The following LIN7A variants were observed in gnomAD, a reference collection of about 807,000 sequenced individuals.
LIN7A encodes the protein lin-7 cell polarity scaffold A.
LIN7A carries 25 observed loss-of-function variants against 29.8 expected under a neutral mutation model. The ratio of observed to expected loss-of-function variants is 0.84; its 90% CI spans 0.61 to 1.17. LIN7A has a LOEUF of 1.17. LIN7A is among the 50% of genes most tolerant of loss of function. LIN7A has a pLI of 0.00. For missense variants in LIN7A, 239 were observed against 287.0 expected (o/e 0.83, Z 1.21); for synonymous variants, 118 against 107.5 (o/e 1.10, Z -0.60).
At chr12:80,926,434 T>C (rs1245941694) in intron 1 of LIN7A, among the ~76,000 whole-genome samples, 2 of 152,242 alleles carry the variant, frequency 1.3e-5, no homozygotes, top group Non-Finnish European at 2.9e-5. Context: ...TTTTGGACTC[T>C]ATTTAGAAAT....
chr12:80,865,675 T>C (rs1874100326), intron 2 of LIN7A, among the ~76,000 whole-genome samples: 1 of 152,176 alleles, frequency 6.6e-6, no homozygotes, highest in Admixed American at 6.5e-5. Context: ...GTGTTTTATG[T>C]GAGAAAGGAC....
chr12:80,902,497 G>A (rs1876276705), intron 1 of LIN7A, among the ~76,000 whole-genome samples: 1 of 151,866 alleles, frequency 6.6e-6, no homozygotes, highest in Admixed American at 6.6e-5. Context: ...CTACAAGTAC[G>A]GGATGTTTTT....
intron 2 of LIN7A, among the ~76,000 whole-genome samples, chr12:80,853,817 C>T (rs1403128220): frequency 6.6e-6 from 1 of 152,122 alleles, no homozygotes; most frequent in Non-Finnish European, 1.5e-5. Flanking sequence ...CTGTCTCAGC[C>T]TCCTGAGTAG....
chr12:80,933,521 T>C (rs1407153353), intron 1 of LIN7A, among the ~76,000 whole-genome samples: 2 of 152,210 alleles, frequency 1.3e-5, no homozygotes, highest in East Asian at 3.8e-4. Context: ...TCTGTTATTC[T>C]CTATTCCAAC....
At chr12:80,933,758 T>C (rs1170694989) in intron 1 of LIN7A, among the ~76,000 whole-genome samples, 1 of 152,124 alleles carries the variant, frequency 6.6e-6, no homozygotes, top group African/African-American at 2.4e-5. Context: ...CCTCACTTTC[T>C]ACAGGACTCT....
At chr12:80,930,631 T>C (rs1022385597) in intron 1 of LIN7A, among the ~76,000 whole-genome samples, 1 of 152,196 alleles carries the variant, frequency 6.6e-6, no homozygotes, top group Non-Finnish European at 1.5e-5. Context: ...CTCGTGCGAT[T>C]CAATTCATAA....
chr12:80,891,394 A>G lies in LIN7A; in HGVS notation c.83-2025T>C, dbSNP rs146675589. ...CTTAACGGCCGACTTCTTCTCGCTCATCTCAGAACACCTCCTCCTGTCCAT... is the reference window on the plus strand; with the variant it reads ...CTTAACGGCCGACTTCTTCTCGCTCGTCTCAGAACACCTCCTCCTGTCCAT... On this transcript the variant is annotated intron_variant, in intron 1 of 5. Transcript: ENST00000552864. 2.3e-3 allele frequency among the ~76,000 whole-genome samples: 355 copies of G among 152,304 alleles called. 13 individuals are homozygous for G. In the East Asian group the frequency reaches 0.058, roughly 25 times the overall value.
Position 80,937,658 on chromosome 12 carries a change from G to T in LIN7A, c.65C>A (p.Pro22Gln). ...ADMATLTVVQ[P>Q]LTLDRDVARA... ...TCCCTTACCTCTGTCCAGGGTGAGC[G>T]GCTGGACCACTGTCAATGTCGCCAT... The change falls in exon 1 of 6, where the codon CCG becomes CAG. Residue 22 changes from proline to glutamine, a missense_variant. Pro to Gln is a moderately conservative substitution (Grantham distance 76). Coordinates refer to ENST00000552864, the MANE Select transcript of LIN7A (RefSeq NM_004664.4). 6.4e-7 allele frequency: 1 copy of T among 1,569,394 alleles called. No homozygotes were observed. The highest frequency in any genetic ancestry group is 8.7e-7 in the Non-Finnish European group (1 of 1,154,550).
chr12:80,861,754 C>T (rs1157988489), intron 2 of LIN7A, among the ~76,000 whole-genome samples: 1 of 152,196 alleles, frequency 6.6e-6, no homozygotes, highest in Non-Finnish European at 1.5e-5. Context: ...CAACTAGCTG[C>T]CCTTGGCAGC....
intron 4 of LIN7A, among the ~76,000 whole-genome samples, chr12:80,819,076 G>A (rs1188393989): frequency 2.0e-5 from 3 of 152,256 alleles, no homozygotes; most frequent in African/African-American, 7.2e-5. Context: ...AAATAGGTGA[G>A]TACAGCACAA....
intron 4 of LIN7A, among the ~76,000 whole-genome samples, chr12:80,814,359 G>T (rs1871435488): frequency 6.6e-6 from 1 of 151,972 alleles, no homozygotes; most frequent in Admixed American, 6.6e-5. Flanking sequence ...TTGGTGATTT[G>T]GTTGTCTACA....
At chr12:80,828,723 G>A (rs1378006817) in intron 4 of LIN7A, among the ~76,000 whole-genome samples, 2 of 152,082 alleles carry the variant, frequency 1.3e-5, no homozygotes, top group Non-Finnish European at 2.9e-5. Flanking sequence ...ATTGTCTGGA[G>A]GCTGACCTCT....
intron 2 of LIN7A, among the ~76,000 whole-genome samples, chr12:80,872,653 C>CT (rs1326333211): frequency 2.0e-5 from 3 of 152,084 alleles, no homozygotes; most frequent in Non-Finnish European, 4.4e-5. Flanking sequence ...TGATAAAATT[C>CT]TTTGTCACAT....
At chr12:80,936,714 C>G (rs1389504092) in intron 1 of LIN7A, 1 of 121,378 alleles carries the variant, frequency 8.2e-6, no homozygotes, top group African/African-American at 3.0e-5. Context: ...CCGATCGCAG[C>G]GGAGGACTCC....
At position 80,889,283 on chromosome 12, in the gene LIN7A, G is replaced by C. The variant is rs1341872424; in HGVS notation, c.169C>G (p.Leu57Val). 1 of 1,611,998 alleles carries C rather than the reference G, an allele frequency of 6.2e-7. No homozygotes were observed. Among genetic ancestry groups the C allele is most frequent in the African/African-American group, 1.3e-5 (1 of 74,926 alleles). ...ATAGCTGTACAAAACTCACTCTGAA[G>C]CACTTTTTTGAGGGATTGTAGCTTG... ...VHKLQSLKKV[L>V]QSEFCTAIRE... is the part of the protein sequence containing the mutation. The change falls in exon 2 of 6, where the codon CTT becomes GTT. Residue 57 changes from leucine to valine, a missense_variant. Transcript: ENST00000552864.
At chr12:80,930,011 T>G (rs1877807099) in intron 1 of LIN7A, among the ~76,000 whole-genome samples, 1 of 152,208 alleles carries the variant, frequency 6.6e-6, no homozygotes, top group Non-Finnish European at 1.5e-5. Context: ...ATAGCCATGT[T>G]GTGACTCCCA....
intron 2 of LIN7A, among the ~76,000 whole-genome samples, chr12:80,888,225 C>A (rs1308879213): frequency 6.6e-6 from 1 of 152,154 alleles, no homozygotes; most frequent in Admixed American, 6.6e-5. Context: ...ACAAGCACAG[C>A]ATAAGTCAAC....
At chr12:80,888,447 A>C (rs4842366) in intron 2 of LIN7A, among the ~76,000 whole-genome samples, 10,554 of 152,238 alleles carry the variant, frequency 0.069, 582 homozygotes, top group Admixed American at 0.16. Flanking sequence ...GCTCTACGCT[A>C]CAATAAACTC....
intron 1 of LIN7A, among the ~76,000 whole-genome samples, chr12:80,892,168 T>C (rs886195418): frequency 3.9e-5 from 6 of 152,220 alleles, no homozygotes; most frequent in African/African-American, 1.2e-4. Context: ...TATACAATTC[T>C]TCAGATGTCA....
Sources: gnomAD v4.1 joint callset for allele counts (sites outside exome capture counted in the v4.1 genomes callset) on GRCh38, gnomAD v4.1.1 for gene constraint, MANE v1.5 for transcripts, NCBI Gene and HGNC (gene_info 2026-07-23, HGNC 2026-07-21) for gene names.